Variants in UTP14C observed in about 807,000 individuals in gnomAD.
UTP14C encodes U3 small nucleolar RNA-associated protein 14 homolog C.
Under a neutral mutation model 14.6 loss-of-function variants are expected in UTP14C, and 10 were observed. The observed-to-expected ratio is 0.68, with a 90% CI of 0.42 to 1.16. The LOEUF (loss-of-function observed/expected upper bound fraction) is 1.16, where lower values mean the gene tolerates loss of function less well. UTP14C is among the 50% of genes most tolerant of loss of function. The pLI is 0.00. For missense variants in UTP14C, 818 were observed against 890.8 expected, an observed-to-expected ratio of 0.92 and a Z score of 1.04; for synonymous variants, 315 against 331.6, an observed-to-expected ratio of 0.95 and a Z score of 0.54.
Position 52,028,684 on chromosome 13 carries a change from CATTTT to C in UTP14C, c.-119_-115del, listed in dbSNP as rs747963625. 3.2e-6 allele frequency: 5 copies of C among 1,559,710 alleles called. No homozygotes were observed. In the African/African-American group the frequency reaches 4.1e-5, roughly 13 times the overall value. On this transcript the variant is annotated 5_prime_UTR_variant, in exon 2 of 2. Coordinates refer to ENST00000521776, the MANE Select transcript of UTP14C (RefSeq NM_021645.6). The stretch of plus-strand genomic sequence containing the variant: ...CTAAATTCAATCTCATTTGTCAAAT[CATTTT>C]ACTTTAGAAAACAGACAAAATTTCC...
Position 52,030,361 on chromosome 13 carries a change from T to C in UTP14C, c.1557T>C (p.Asp519=), listed in dbSNP as rs1954289054. The change falls in exon 2 of 2, where the codon GAT becomes GAC. Residue 519 remains aspartate, a synonymous_variant. Transcript: ENST00000521776. The stretch of plus-strand genomic sequence containing the variant: ...AGCTAGAAGAGCTGGGAAAAGAAGA[T>C]TGTTTTCAAAATAAGGAGCTTCCCA... ...LEELEELGKE[D]CFQNKELPRP... 5 of 1,614,098 alleles carry C rather than the reference T, an allele frequency of 3.1e-6. No homozygotes were observed. Among genetic ancestry groups the C allele is most frequent in the South Asian group, 1.1e-5 (1 of 91,078 alleles).
rs200258876 is a variant in UTP14C at position 52,029,751 on chromosome 13, T to C, written c.947T>C (p.Leu316Pro). Residue 316 changes from leucine (L) to proline (P), a missense_variant, in exon 2 of 2, where the codon CTG becomes CCG. Leu to Pro is a moderately conservative substitution (Grantham distance 98). Transcript: ENST00000521776. ...AAGGCAATTATGGCCAAATATGACC[T>C]GGAGGCTCGCCAAGCTATGCAGGAA... ...KSKAIMAKYD[L>P]EARQAMQEQL... is the part of the protein sequence containing the mutation. The C allele has an allele frequency of 1.1e-5, 18 of 1,614,168 alleles. No homozygotes were observed. The highest frequency in any genetic ancestry group is 2.7e-5 in the African/African-American group (2 of 75,030).
At position 52,029,274 on chromosome 13, in the gene UTP14C, T is replaced by G. The variant is rs763915286; in HGVS notation, c.470T>G (p.Val157Gly). Residue 157 changes from valine (V) to glycine (G), a missense_variant, in exon 2 of 2, where the codon GTT becomes GGT. Physicochemically the swap from Val to Gly is moderately radical, Grantham distance 109 (BLOSUM62 -3). Transcript: ENST00000521776. ...ILKNQQAEQL[V>G]FPLGKEQPAI... ...AAGAACCAGCAGGCAGAGCAGCTGGTTTTTCCCCTGGGGAAGGAGCAGCCA... is the reference window on the plus strand; with the variant it reads ...AAGAACCAGCAGGCAGAGCAGCTGGGTTTTCCCCTGGGGAAGGAGCAGCCA... 128 of 1,614,006 alleles carry G rather than the reference T, an allele frequency of 7.9e-5. No homozygotes were observed. The highest frequency in any genetic ancestry group is 1.1e-4 in the South Asian group (10 of 91,078).
In UTP14C at chr13:52,028,558, T is replaced by C; in HGVS notation, c.-247T>C. 7 of 1,614,190 alleles carry C rather than the reference T, an allele frequency of 4.3e-6. No homozygotes were observed. Among genetic ancestry groups the C allele is most frequent in the Non-Finnish European group, 5.9e-6 (7 of 1,179,996 alleles). On this transcript the variant is annotated 5_prime_UTR_variant, in exon 2 of 2. Coordinates refer to ENST00000521776, the MANE Select transcript of UTP14C (RefSeq NM_021645.6). ...CTCTGATCAGGAATTTGAAGTGACA[T>C]TCCTATCATCTGTGGAAAAGTTATT...
At position 52,029,193 on chromosome 13, in the gene UTP14C, A is replaced by G; in HGVS notation, c.389A>G (p.Glu130Gly). Residue 130 changes from glutamate (E) to glycine (G), a missense_variant, in exon 2 of 2, where the codon GAA (glutamate) becomes GGA (glycine). Coordinates refer to ENST00000521776, the MANE Select transcript of UTP14C (RefSeq NM_021645.6). ...GAAAAAATTGAACAGATCCACAGAG[A>G]AGTAGCATTCAGTAAAACCTCACAG... ...NKEKIEQIHR[E>G]VAFSKTSQVL... 2.5e-6 allele frequency: 4 copies of G among 1,614,226 alleles called. No individual in the cohort carries two copies. Among genetic ancestry groups the G allele is most frequent in the Non-Finnish European group, 3.4e-6 (4 of 1,180,052 alleles).
Position 52,033,579 on chromosome 13 carries a change from T to A in UTP14C, c.*2474T>A, listed in dbSNP as rs907991512. 1.8e-5 allele frequency: 3 copies of A among 166,948 alleles called. No homozygotes were observed. 10.3% of individuals were successfully genotyped at this position (166,948 alleles called of 1,614,324 possible). On this transcript the variant is annotated 3_prime_UTR_variant, in exon 2 of 2. Transcript: ENST00000521776. ...TAAAGAAGAAACAAAAATAAAAGTTTGTCTTGCTTGTGAAACATTAAGAAG... is the reference window on the plus strand; with the variant it reads ...TAAAGAAGAAACAAAAATAAAAGTTAGTCTTGCTTGTGAAACATTAAGAAG...
chr13:52,029,383 G>C lies in UTP14C; in HGVS notation c.579G>C (p.Lys193Asn). The C allele has an allele frequency of 6.2e-7, 1 of 1,614,082 alleles. No individual in the cohort carries two copies. Among genetic ancestry groups the C allele is most frequent in the Non-Finnish European group, 8.5e-7 (1 of 1,180,034 alleles). Residue 193 changes from lysine (K) to asparagine (N), a missense_variant, in exon 2 of 2, where the codon AAG becomes AAC. Transcript: ENST00000521776. ...LEQEIFNLLH[K>N]NKQPVTDPLL... The stretch of plus-strand genomic sequence containing the variant: ...AGGAAATTTTTAACCTCCTCCATAA[G>C]AACAAGCAGCCAGTGACAGATCCTT...
chr13:52,030,352 A>G lies in UTP14C; in HGVS notation c.1548A>G (p.Gly516=), dbSNP rs1306851103. The G allele has an allele frequency of 1.2e-6, 2 of 1,614,186 alleles. No individual in the cohort carries two copies. Among genetic ancestry groups the G allele is most frequent in the South Asian group, 1.1e-5 (1 of 91,078 alleles). ...VQTLEELEEL[G]KEDCFQNKEL... ...CTCTGGAAGAGCTAGAAGAGCTGGG[A>G]AAAGAAGATTGTTTTCAAAATAAGG... The change falls in exon 2 of 2, where the codon GGA becomes GGG. Residue 516 remains glycine, a synonymous_variant. Coordinates refer to ENST00000521776, the MANE Select transcript of UTP14C (RefSeq NM_021645.6).
In UTP14C at chr13:52,031,308, G is replaced by C. The variant is rs990392975; in HGVS notation, c.*203G>C. 37 of 759,094 alleles carry C rather than the reference G, an allele frequency of 4.9e-5. No homozygotes were observed. Among genetic ancestry groups the C allele is most frequent in the Middle Eastern group, 3.9e-4 (1 of 2,588 alleles). 47.0% of individuals were successfully genotyped at this position (759,094 alleles called of 1,614,324 possible). A position where few individuals can be genotyped will look rare whatever the true frequency, so the allele number is the denominator to read the frequency against. On this transcript the variant is annotated 3_prime_UTR_variant, in exon 2 of 2. Coordinates refer to ENST00000521776, the MANE Select transcript of UTP14C (RefSeq NM_021645.6). The stretch of plus-strand genomic sequence containing the variant: ...GACATTAGAACACAGAAAAATTCTA[G>C]TACATTTAAATTCTAAACAATACAG...
chr13:52,029,273 GT>G lies in UTP14C; in HGVS notation c.474del (p.Leu160TrpfsTer39), dbSNP rs1448069375. ...GAAGAACCAGCAGGCAGAGCAGCTGGTTTTTCCCCTGGGGAAGGAGCAGCCA... is the reference window on the plus strand; with the variant it reads ...GAAGAACCAGCAGGCAGAGCAGCTGGTTTTCCCCTGGGGAAGGAGCAGCCA... The part of the protein sequence containing the change: ...ILKNQQAEQL[V>X]FPLGKEQPAI... On this transcript the variant is annotated frameshift_variant, in exon 2 of 2. Transcript: ENST00000521776. LOFTEE classifies it low-confidence loss of function (END_TRUNC). 6.2e-7 allele frequency: 1 copy of G among 1,614,058 alleles called. No homozygotes were observed. Among genetic ancestry groups the G allele is most frequent in the Non-Finnish European group, 8.5e-7 (1 of 1,180,038 alleles).
Position 52,030,992 on chromosome 13 carries a change from C to T in UTP14C, c.2188C>T (p.Pro730Ser). Residue 730 changes from proline to serine, a missense_variant, in exon 2 of 2, where the codon CCC becomes TCC. Transcript: ENST00000521776. ...CACCAAGCCAGGCCATATCATTAAG[C>T]CCATAAAAGCAGAGGATGTGGGCTA... ...VVTKPGHIIK[P>S]IKAEDVGYQS... is the part of the protein sequence containing the mutation. 1 of 1,614,162 alleles carries T rather than the reference C, an allele frequency of 6.2e-7. No individual in the cohort carries two copies. The highest frequency in any genetic ancestry group is 1.1e-5 in the South Asian group (1 of 91,080).
intron 1 of UTP14C, among the ~76,000 whole-genome samples, chr13:52,025,354 C>G (rs530261553): frequency 2.6e-5 from 4 of 152,200 alleles, no homozygotes; most frequent in Non-Finnish European, 5.9e-5. Context: ...CTCTCTCCAT[C>G]TAACCCCACT....
Position 52,024,863 on chromosome 13 carries a change from T to C in UTP14C, c.-561T>C. The C allele has an allele frequency of 6.2e-7, 1 of 1,613,966 alleles. No homozygotes were observed. Among genetic ancestry groups the C allele is most frequent in the Non-Finnish European group, 8.5e-7 (1 of 1,179,990 alleles). ...GTGGAATTTAAAATAAACATTCCAT[T>C]TGATGAATTAAAGAATTATTTGTCT... On this transcript the variant is annotated 5_prime_UTR_variant, in exon 1 of 2. Transcript: ENST00000521776.
At position 52,031,081 on chromosome 13, in the gene UTP14C, T is replaced by C; in HGVS notation, c.2277T>C (p.Arg759=). Residue 759 remains arginine, a synonymous_variant, in exon 2 of 2, where the codon CGT becomes CGC. Coordinates refer to ENST00000521776, the MANE Select transcript of UTP14C (RefSeq NM_021645.6). The part of the protein sequence containing the change: ...IQRNPKRITT[R]HNKEEKL The stretch of plus-strand genomic sequence containing the variant: ...GGAATCCAAAACGAATCACCACACG[T>C]CACAATAAAGAAGAAAAACTGTAGG... 1.2e-6 allele frequency: 2 copies of C among 1,612,810 alleles called. No individual in the cohort carries two copies. Among genetic ancestry groups the C allele is most frequent in the Non-Finnish European group, 1.7e-6 (2 of 1,179,412 alleles).
intron 1 of UTP14C, 100 bp from the exon 2 acceptor site, chr13:52,028,219 C>A: frequency 7.2e-7 from 1 of 1,385,362 alleles, no homozygotes; most frequent in South Asian, 1.2e-5. Context: ...TTAAGTTTCT[C>A]ATAAGTCCCT....
At position 52,028,518 on chromosome 13, in the gene UTP14C, A is replaced by C. The variant is rs41292794; in HGVS notation, c.-287A>C. 16 of 1,614,238 alleles carry C rather than the reference A, an allele frequency of 9.9e-6. No individual in the cohort carries two copies. The highest frequency in any genetic ancestry group is 1.3e-5 in the African/African-American group (1 of 75,062). On this transcript the variant is annotated 5_prime_UTR_variant, in exon 2 of 2. Transcript: ENST00000521776. Reference sequence around the variant, plus strand: ...TCCAAATCAGAAAAAGTGCTCGTGCATCTGTAAGCAGATTCTCTGATCAGG... The same window carrying C: ...TCCAAATCAGAAAAAGTGCTCGTGCCTCTGTAAGCAGATTCTCTGATCAGG...
At chr13:52,026,540 G>A (rs1001837925) in intron 1 of UTP14C, among the ~76,000 whole-genome samples, 1 of 152,192 alleles carries the variant, frequency 6.6e-6, no homozygotes, top group East Asian at 1.9e-4. Flanking sequence ...GCTGAACTTC[G>A]TAGGTGAACA....
Position 52,029,779 on chromosome 13 carries a change from G to C in UTP14C, c.975G>C (p.Gln325His). 1 of 1,614,214 alleles carries C rather than the reference G, an allele frequency of 6.2e-7. No homozygotes were observed. The highest frequency in any genetic ancestry group is 1.3e-5 in the African/African-American group (1 of 75,054). Reference protein sequence around the residue: ...DLEARQAMQEQLAKNKELTQK... With the variant: ...DLEARQAMQEHLAKNKELTQK... ...AGGCTCGCCAAGCTATGCAGGAACAGTTGGCCAAGAACAAAGAACTGACAC... is the reference window on the plus strand; with the variant it reads ...AGGCTCGCCAAGCTATGCAGGAACACTTGGCCAAGAACAAAGAACTGACAC... The change falls in exon 2 of 2, where the codon CAG becomes CAC. Residue 325 changes from glutamine (Q) to histidine (H), a missense_variant. Transcript: ENST00000521776.
intron 1 of UTP14C, 109 bp from the exon 2 acceptor site, chr13:52,028,210 T>C: frequency 7.8e-7 from 1 of 1,283,916 alleles, no homozygotes. Flanking sequence ...TACATTTAAT[T>C]AAGTTTCTCA....
Sources: gnomAD v4.1 joint callset for allele counts (sites outside exome capture counted in the v4.1 genomes callset) on GRCh38, gnomAD v4.1.1 for gene constraint, MANE v1.5 for transcripts, NCBI Gene and HGNC (gene_info 2026-07-23, HGNC 2026-07-21) for gene names.